Variants in RALGAPA1 observed in about 807,000 individuals in gnomAD.
RALGAPA1 encodes Ral GTPase activating protein catalytic subunit alpha 1.
Under a neutral mutation model 269.6 loss-of-function variants are expected in RALGAPA1, and 52 were observed. The observed-to-expected ratio is 0.19, with a 90% confidence interval of 0.15 to 0.24. The LOEUF (loss-of-function observed/expected upper bound fraction) is 0.24. RALGAPA1 is among the 10% of genes least tolerant of loss of function. The pLI is 1.00. For missense variants in RALGAPA1, 1,917 were observed against 3,013.9 expected, an observed-to-expected ratio of 0.64 and a Z score of 8.52; for synonymous variants, 817 against 1,008.3, an observed-to-expected ratio of 0.81 and a Z score of 3.60.
intron 12 of RALGAPA1, among the ~76,000 whole-genome samples, chr14:35,733,925 C>T (rs1250465809): frequency 6.6e-6 from 1 of 150,584 alleles, no homozygotes; most frequent in African/African-American, 2.4e-5. Flanking sequence ...AGAACTCAAC[C>T]CCTTTTATTA....
intron 1 of RALGAPA1, among the ~76,000 whole-genome samples, chr14:35,803,922 C>A (rs116273858): frequency 0.022 from 3,308 of 151,484 alleles, 123 homozygotes; most frequent in African/African-American, 0.075. Flanking sequence ...CTGCACCTGG[C>A]CTAAAGAACT....
At chr14:35,655,563 A>G (rs2063124490) in intron 29 of RALGAPA1, among the ~76,000 whole-genome samples, 1 of 152,116 alleles carries the variant, frequency 6.6e-6, no homozygotes, top group African/African-American at 2.4e-5. Context: ...GATGTCTACC[A>G]TATATAGTTT....
intron 16 of RALGAPA1, among the ~76,000 whole-genome samples, chr14:35,714,042 C>T (rs1023285482): frequency 6.6e-6 from 1 of 150,814 alleles, no homozygotes; most frequent in African/African-American, 2.4e-5. Flanking sequence ...TTGCAGTGAG[C>T]TGAGATCATG....
At chr14:35,729,920 C>G (rs887846888) in intron 12 of RALGAPA1, among the ~76,000 whole-genome samples, 3 of 152,158 alleles carry the variant, frequency 2.0e-5, no homozygotes, top group African/African-American at 7.2e-5. Context: ...ACAGACAGAG[C>G]AGCGTGTGGA....
intron 31 of RALGAPA1, among the ~76,000 whole-genome samples, chr14:35,645,130 T>C (rs2062312163): frequency 6.6e-6 from 1 of 152,106 alleles, no homozygotes; most frequent in East Asian, 1.9e-4. Context: ...TTCTGGCTTG[T>C]TAGATGACCA....
rs1196150251 is a variant in RALGAPA1, at chr14:35,700,291, G to A, written c.2278C>T (p.Arg760Ter). The A allele has an allele frequency of 1.3e-6, 2 of 1,509,432 alleles. No homozygotes were observed. The highest frequency in any genetic ancestry group is 2.3e-5 in the Admixed American group (1 of 43,238). The allele number at this position is 1,509,432 out of a possible 1,614,324, so 93.5% of individuals were successfully genotyped here. A position where few individuals can be genotyped will look rare whatever the true frequency, so the allele number is the denominator to read the frequency against. ...VRQKTVAMRS[R>*]SIGECALPSA... ...GGCAGAGCACATTCACCAATGGATC[G>A]GCTTCTCATGGCTTTAAAAAAGGAA... Residue 760 changes from arginine to a stop codon, truncating the protein, a stop_gained, in exon 17 of 42, where the codon CGA becomes TGA. Coordinates refer to ENST00000680220, the MANE Select transcript of RALGAPA1 (RefSeq NM_001346249.2). LOFTEE classifies it high-confidence loss of function.
At chr14:35,728,991 T>C (rs558134721) in intron 12 of RALGAPA1, among the ~76,000 whole-genome samples, 1 of 152,244 alleles carries the variant, frequency 6.6e-6, no homozygotes, top group African/African-American at 2.4e-5. Context: ...CACCTTGGCT[T>C]CCCAAATTGC....
Position 35,674,245 on chromosome 14 carries a change from G to A in RALGAPA1, c.4852C>T (p.Leu1618=), listed in dbSNP as rs1377122798. The change falls in exon 24 of 42, where the codon CTG becomes TTG. Residue 1618 remains leucine (L), a synonymous_variant. Coordinates refer to ENST00000680220, the MANE Select transcript of RALGAPA1 (RefSeq NM_001346249.2). ...AAAACTGGTGGAGAAGGGGAGGTCA[G>A]GTTATCAGTTGAAATGCCAAGGTTA... ...RDNLGISTDN[L]TSPSPPVLIP... 1 of 1,612,022 alleles carries A rather than the reference G, an allele frequency of 6.2e-7. No individual in the cohort carries two copies. Among genetic ancestry groups the A allele is most frequent in the East Asian group, 2.2e-5 (1 of 44,740 alleles).
chr14:35,552,719 CA>C (rs34917498), intron 39 of RALGAPA1, among the ~76,000 whole-genome samples: 26,374 of 116,874 alleles, frequency 0.23, 2,566 homozygotes, highest in African/African-American at 0.31. Flanking sequence ...ACTAGCCAAT[CA>C]AAAAAAAAAA....
chr14:35,756,751 T>A, intron 7 of RALGAPA1, 42 bp downstream of exon 7: 1 of 1,333,710 alleles, frequency 7.5e-7, no homozygotes, highest in South Asian at 1.3e-5. Flanking sequence ...ATCACCCACA[T>A]AGGATAGTAA....
At chr14:35,707,997 A>G (rs2067952141) in intron 16 of RALGAPA1, among the ~76,000 whole-genome samples, 1 of 151,658 alleles carries the variant, frequency 6.6e-6, no homozygotes, top group Non-Finnish European at 1.5e-5. Context: ...AAAAATGCCA[A>G]GAACATACAC....
chr14:35,778,636 A>G (rs2075221170), intron 1 of RALGAPA1, among the ~76,000 whole-genome samples: 1 of 152,174 alleles, frequency 6.6e-6, no homozygotes, highest in African/African-American at 2.4e-5. Flanking sequence ...AAAATTAATT[A>G]TTTTTACTTC....
chr14:35,601,844 A>C (rs2059309010), intron 36 of RALGAPA1, among the ~76,000 whole-genome samples: 1 of 152,140 alleles, frequency 6.6e-6, no homozygotes, highest in African/African-American at 2.4e-5. Flanking sequence ...AGAAGTGGAA[A>C]TCTCCTCTGT....
At position 35,689,131 on chromosome 14, in the gene RALGAPA1, CA is replaced by C; in HGVS notation, c.3279del (p.Val1094SerfsTer12). 1 of 1,234,914 alleles carries C rather than the reference CA, an allele frequency of 8.1e-7. No homozygotes were observed. The highest frequency in any genetic ancestry group is 1.0e-6 in the Non-Finnish European group (1 of 989,726). 76.5% of individuals were successfully genotyped at this position (1,234,914 alleles called of 1,614,324 possible). On this transcript the variant is annotated frameshift_variant, in exon 18 of 42. Transcript: ENST00000680220. LOFTEE classifies it high-confidence loss of function. ...LKSVQINEKI[T>X]VPHVMRAKKA... ...TTCTTGGCACGCATAACATGTGGGA[CA>C]GTGATTTTTTCATTAATTTGCACAC...
At chr14:35,734,705 T>A (rs1161664980) in intron 12 of RALGAPA1, among the ~76,000 whole-genome samples, 1 of 152,030 alleles carries the variant, frequency 6.6e-6, no homozygotes, top group African/African-American at 2.4e-5. Flanking sequence ...CAGCTGGGAC[T>A]TAATTAAACT....
intron 7 of RALGAPA1, among the ~76,000 whole-genome samples, chr14:35,754,469 C>G (rs978770685): frequency 2.6e-5 from 4 of 152,078 alleles, no homozygotes; most frequent in African/African-American, 9.7e-5. Context: ...AAAAGATATT[C>G]AACATACCAT....
At chr14:35,749,266 T>C (rs1555427533) in intron 9 of RALGAPA1, among the ~76,000 whole-genome samples, 2 of 152,098 alleles carry the variant, frequency 1.3e-5, no homozygotes, top group Non-Finnish European at 1.5e-5. Flanking sequence ...TTTAGACAAG[T>C]AAAAGTTTCC....
chr14:35,808,994 G>A lies in RALGAPA1; in HGVS notation c.-159C>T, dbSNP rs1187449506. ...GCAGAGCCGACTCCTTCCCGATCCA[G>A]GCCAGGGCCGCCACCTCCACCCGCC... On this transcript the variant is annotated 5_prime_UTR_variant, in exon 1 of 42. Coordinates refer to ENST00000680220, the MANE Select transcript of RALGAPA1 (RefSeq NM_001346249.2). The A allele has an allele frequency of 7.2e-7, 1 of 1,389,460 alleles. No individual in the cohort carries two copies. Among genetic ancestry groups the A allele is most frequent in the Non-Finnish European group, 9.4e-7 (1 of 1,059,808 alleles). The allele number at this position is 1,389,460 out of a possible 1,614,324, so 86.1% of individuals were successfully genotyped here.
intron 12 of RALGAPA1, among the ~76,000 whole-genome samples, chr14:35,736,611 C>T (rs1049265761): frequency 6.6e-6 from 1 of 152,096 alleles, no homozygotes; most frequent in Non-Finnish European, 1.5e-5. Context: ...AGAAGCATTT[C>T]AATGGGGAAG....
Sources: gnomAD v4.1 joint callset for allele counts (sites outside exome capture counted in the v4.1 genomes callset) on GRCh38, gnomAD v4.1.1 for gene constraint, MANE v1.5 for transcripts, NCBI Gene and HGNC (gene_info 2026-07-23, HGNC 2026-07-21) for gene names.